PRKAR2B: variants seen among roughly 807,000 people sequenced by gnomAD.
PRKAR2B encodes the protein cAMP-dependent protein kinase type II-beta regulatory subunit.
A neutral mutation model predicts 49.9 loss-of-function variants in PRKAR2B; 14 were observed. That is an observed-to-expected ratio of 0.28 (90% confidence interval 0.19 to 0.44). The LOEUF is 0.44. Ranked by LOEUF, PRKAR2B falls within the 20% of genes least tolerant of loss-of-function variation. The pLI, the probability that PRKAR2B is intolerant of heterozygous loss-of-function variation, is 1.00. For synonymous variants in PRKAR2B, 196 were observed against 197.7 expected, an observed-to-expected ratio of 0.99 and a Z score of 0.07; for missense variants, 393 against 537.9, an observed-to-expected ratio of 0.73 and a Z score of 2.67.
rs548048407 is a variant in PRKAR2B, at chr7:107,144,145, C to T, written c.588-2163C>T. 5.3e-5 allele frequency among the ~76,000 whole-genome samples: 8 copies of T among 151,124 alleles called. No homozygotes were observed. In the South Asian group the frequency reaches 6.3e-4, roughly 12 times the overall value. On this transcript the variant is annotated intron_variant, in intron 5 of 10. Coordinates refer to ENST00000265717, the MANE Select transcript of PRKAR2B (RefSeq NM_002736.3). Reference sequence around the variant, plus strand: ...TGTTGCCCAGGCTGGAGTGCAGTGGCGCAATCTCAGCTCACTGCACCCACT... The same window carrying T: ...TGTTGCCCAGGCTGGAGTGCAGTGGTGCAATCTCAGCTCACTGCACCCACT...
At chr7:107,061,651 C>A (rs1794029220) in intron 1 of PRKAR2B, among the ~76,000 whole-genome samples, 1 of 152,140 alleles carries the variant, frequency 6.6e-6, no homozygotes, top group Admixed American at 6.5e-5. Context: ...TGCCTGTAAT[C>A]CCAGCACTTT....
chr7:107,152,192 G>C (rs1171697698), intron 7 of PRKAR2B, among the ~76,000 whole-genome samples: 2 of 152,144 alleles, frequency 1.3e-5, no homozygotes, highest in African/African-American at 2.4e-5. Context: ...TAAAATCCCT[G>C]GTTGTGGCAC....
At chr7:107,054,625 G>A (rs896212701) in intron 1 of PRKAR2B, among the ~76,000 whole-genome samples, 2 of 152,038 alleles carry the variant, frequency 1.3e-5, no homozygotes, top group Non-Finnish European at 2.9e-5. Context: ...AGATGTCAAG[G>A]GTCCTCAGTC....
At chr7:107,050,092 A>G (rs1351515028) in intron 1 of PRKAR2B, among the ~76,000 whole-genome samples, 1 of 152,142 alleles carries the variant, frequency 6.6e-6, no homozygotes, top group Non-Finnish European at 1.5e-5. Flanking sequence ...TTCTCTTACC[A>G]TCTATTACTT....
intron 3 of PRKAR2B, among the ~76,000 whole-genome samples, chr7:107,125,681 G>C (rs2115595839): frequency 6.6e-6 from 1 of 152,302 alleles, no homozygotes; most frequent in Admixed American, 6.5e-5. Context: ...GTTAATTACA[G>C]AGAGTGGACT....
chr7:107,101,513 C>T (rs1032362288), intron 2 of PRKAR2B, among the ~76,000 whole-genome samples: 5 of 152,252 alleles, frequency 3.3e-5, no homozygotes, highest in Non-Finnish European at 4.4e-5. Flanking sequence ...TTCCAGGCAG[C>T]CACGGATGCT....
At chr7:107,156,886 C>T in intron 8 of PRKAR2B, 98 bp from the exon 9 acceptor site, 1 of 1,021,130 alleles carries the variant, frequency 9.8e-7, no homozygotes, top group Non-Finnish European at 1.5e-6. Context: ...AATATGTGTA[C>T]TTTGGGGTTG....
At chr7:107,052,882 G>A (rs915110676) in intron 1 of PRKAR2B, among the ~76,000 whole-genome samples, 1 of 152,168 alleles carries the variant, frequency 6.6e-6, no homozygotes, top group Non-Finnish European at 1.5e-5. Context: ...CCAGGCTGGA[G>A]TGCAGTGGTG....
chr7:107,092,347 C>A (rs1316642554), intron 2 of PRKAR2B, among the ~76,000 whole-genome samples: 1 of 151,136 alleles, frequency 6.6e-6, no homozygotes, highest in Non-Finnish European at 1.5e-5. Context: ...AGGATAGAAT[C>A]CTGAAGTTTC....
rs773593350 is a variant in PRKAR2B at position 107,128,280 on chromosome 7, T to C, written c.465T>C (p.Phe155=). The change falls in exon 4 of 11, where the codon TTT becomes TTC. Residue 155 remains phenylalanine (F), a synonymous_variant. Coordinates refer to ENST00000265717, the MANE Select transcript of PRKAR2B (RefSeq NM_002736.3). ...AGGCTTGCAAAGACATCCTGCTGTT[T>C]AAGAATCTGGATCCGGTAAGATAAA... is the stretch of plus-strand genomic sequence containing the variant. ...LQEACKDILL[F]KNLDPEQMSQ... 2 of 1,609,772 alleles carry C rather than the reference T, an allele frequency of 1.2e-6. No individual in the cohort carries two copies. The highest frequency in any genetic ancestry group is 1.3e-5 in the African/African-American group (1 of 74,964).
intron 2 of PRKAR2B, among the ~76,000 whole-genome samples, chr7:107,105,672 C>G (rs1795058273): frequency 6.6e-6 from 1 of 152,114 alleles, no homozygotes; most frequent in Non-Finnish European, 1.5e-5. Flanking sequence ...GTCCTCTATT[C>G]TCTTGGCCAT....
chr7:107,157,089 A>G, intron 9 of PRKAR2B, 40 bp downstream of exon 9: 3 of 1,608,346 alleles, frequency 1.9e-6, no homozygotes, highest in Non-Finnish European at 2.6e-6. Context: ...TACTGTTAGC[A>G]AGGAACACAA....
chr7:107,134,547 A>G (rs956746618), intron 4 of PRKAR2B, among the ~76,000 whole-genome samples: 2 of 152,246 alleles, frequency 1.3e-5, no homozygotes, highest in African/African-American at 4.8e-5. Context: ...ACAATATTTA[A>G]AAAGAAGAAC....
At chr7:107,120,865 C>A (rs1795374227) in intron 2 of PRKAR2B, among the ~76,000 whole-genome samples, 1 of 151,520 alleles carries the variant, frequency 6.6e-6, no homozygotes, top group Admixed American at 6.6e-5. Flanking sequence ...TATGAAAAAA[C>A]TAATTTAAGT....
intron 4 of PRKAR2B, among the ~76,000 whole-genome samples, chr7:107,135,864 A>G (rs933814929): frequency 3.9e-5 from 6 of 152,214 alleles, no homozygotes; most frequent in African/African-American, 1.4e-4. Context: ...CAAAAGACCT[A>G]GGAGAGCTAA....
intron 4 of PRKAR2B, among the ~76,000 whole-genome samples, chr7:107,133,275 G>A (rs189855454): frequency 2.2e-4 from 33 of 152,264 alleles, no homozygotes; most frequent in African/African-American, 6.0e-4. Flanking sequence ...TCATATATCC[G>A]TGTATGAATT....
intron 2 of PRKAR2B, among the ~76,000 whole-genome samples, chr7:107,076,717 A>T (rs1794405530): frequency 6.6e-6 from 1 of 152,170 alleles, no homozygotes; most frequent in African/African-American, 2.4e-5. Flanking sequence ...TGAACATATA[A>T]TTTTGTGGTA....
intron 3 of PRKAR2B, among the ~76,000 whole-genome samples, chr7:107,126,087 TAAAAAAA>T (rs34333619): frequency 2.4e-5 from 2 of 82,258 alleles, no homozygotes; most frequent in African/African-American, 4.9e-5. Context: ...GACTGTGTCT[TAAAAAAA>T]AAAAAAAAAA....
At chr7:107,129,849 G>A (rs183372095) in intron 4 of PRKAR2B, among the ~76,000 whole-genome samples, 34 of 152,242 alleles carry the variant, frequency 2.2e-4, no homozygotes, top group African/African-American at 7.9e-4. Flanking sequence ...GGTTCTGGTG[G>A]GAGTGTGGCA....
Sources: gnomAD v4.1 joint callset for allele counts (sites outside exome capture counted in the v4.1 genomes callset) on GRCh38, gnomAD v4.1.1 for gene constraint, MANE v1.5 for transcripts, NCBI Gene and HGNC (gene_info 2026-07-23, HGNC 2026-07-21) for gene names.